RBFOX1: variants seen among roughly 807,000 people sequenced by gnomAD.
RBFOX1 encodes the protein RNA binding protein fox-1 homolog 1.
A neutral mutation model predicts 57.7 loss-of-function variants in RBFOX1; 8 were observed. The ratio of observed to expected loss-of-function variants is 0.14; its 90% CI spans 0.08 to 0.25. The LOEUF (loss-of-function observed/expected upper bound fraction) is 0.25, where lower values mean the gene tolerates loss of function less well. Among genes scored for constraint, RBFOX1 ranks in the 10% least tolerant of loss-of-function variants. The pLI, the probability that RBFOX1 is intolerant of heterozygous loss-of-function variation, is 1.00. For synonymous variants in RBFOX1, 326 were observed against 222.4 expected (o/e 1.47, Z -4.15); for missense variants, 611 against 548.5 (o/e 1.11, Z -1.14).
At chr16:6,261,268 A>T (rs12598401) in intron 1 of RBFOX1, among the ~76,000 whole-genome samples, 5,375 of 152,236 alleles carry the variant, frequency 0.035, 202 homozygotes, top group African/African-American at 0.084. Flanking sequence ...GCATATCCTC[A>T]TTGTGTGTGT....
intron 2 of RBFOX1, among the ~76,000 whole-genome samples, chr16:6,651,306 G>A (rs920724396): frequency 1.3e-5 from 2 of 152,180 alleles, no homozygotes; most frequent in African/African-American, 4.8e-5. Flanking sequence ...ACGGCCCCAG[G>A]TCGCCATCTT....
chr16:7,248,593 A>T (rs1168848929), intron 4 of RBFOX1, among the ~76,000 whole-genome samples: 1 of 152,158 alleles, frequency 6.6e-6, no homozygotes, highest in East Asian at 1.9e-4. Context: ...AGAACTAGGC[A>T]TTTCTTCTTT....
chr16:5,538,013 G>A (rs981506755), intron 2 of RBFOX1, among the ~76,000 whole-genome samples: 1 of 152,158 alleles, frequency 6.6e-6, no homozygotes, highest in Non-Finnish European at 1.5e-5. Flanking sequence ...AAGAACCACA[G>A]AGATACCATG....
chr16:5,967,629 T>C (rs2059873842), intron 4 of RBFOX1, among the ~76,000 whole-genome samples: 1 of 152,206 alleles, frequency 6.6e-6, no homozygotes, highest in Non-Finnish European at 1.5e-5. Flanking sequence ...TTCCAATCCA[T>C]GTTTTACACT....
intron 11 of RBFOX1, among the ~76,000 whole-genome samples, chr16:7,644,411 C>G (rs765407082): frequency 5.3e-5 from 8 of 152,202 alleles, no homozygotes; most frequent in African/African-American, 1.7e-4. Flanking sequence ...GCAATCACAT[C>G]GTTCCTTGAA....
At chr16:5,296,893 G>A (rs747848450) in intron 1 of RBFOX1, among the ~76,000 whole-genome samples, 1 of 151,970 alleles carries the variant, frequency 6.6e-6, no homozygotes, top group Non-Finnish European at 1.5e-5. Context: ...TGGTCAGGCT[G>A]GTCTCGAACT....
intron 3 of RBFOX1, among the ~76,000 whole-genome samples, chr16:5,778,117 C>T (rs181371900): frequency 1.3e-5 from 2 of 152,212 alleles, no homozygotes; most frequent in East Asian, 3.9e-4. Context: ...CCGTTGACTT[C>T]CCTTCCATGT....
intron 3 of RBFOX1, among the ~76,000 whole-genome samples, chr16:5,782,084 G>C (rs2054342234): frequency 6.6e-6 from 1 of 152,260 alleles, no homozygotes; most frequent in Non-Finnish European, 1.5e-5. Flanking sequence ...GGTGGCACAT[G>C]CCTGTAGTCC....
chr16:7,118,091 A>G (rs1478692), intron 4 of RBFOX1, among the ~76,000 whole-genome samples: 10 of 151,890 alleles, frequency 6.6e-5, no homozygotes, highest in Non-Finnish European at 1.3e-4. Flanking sequence ...TGGGTAGATA[A>G]CCAGTAGTGG....
At chr16:7,401,484 G>A (rs150035292) in intron 4 of RBFOX1, among the ~76,000 whole-genome samples, 1 of 152,154 alleles carries the variant, frequency 6.6e-6, no homozygotes, top group Non-Finnish European at 1.5e-5. Flanking sequence ...TATGTTGATA[G>A]ACCCTCAAAC....
intron 3 of RBFOX1, among the ~76,000 whole-genome samples, chr16:7,031,961 C>G (rs7191322): frequency 0.15 from 22,594 of 152,076 alleles, 3,166 homozygotes; most frequent in African/African-American, 0.35. Flanking sequence ...TGGACTTCCT[C>G]GTTATTTGAA....
chr16:5,691,278 A>G (rs959088667), intron 3 of RBFOX1, among the ~76,000 whole-genome samples: 1 of 152,192 alleles, frequency 6.6e-6, no homozygotes, highest in African/African-American at 2.4e-5. Flanking sequence ...TTAGTCATGA[A>G]GCAGAAACAT....
At chr16:7,408,416 A>G (rs1342348401) in intron 4 of RBFOX1, among the ~76,000 whole-genome samples, 3 of 152,236 alleles carry the variant, frequency 2.0e-5, no homozygotes, top group Admixed American at 2.0e-4. Flanking sequence ...GTCACTGCAC[A>G]GAGATGAATG....
intron 1 of RBFOX1, among the ~76,000 whole-genome samples, chr16:6,128,049 G>A (rs2096602822): frequency 6.6e-6 from 1 of 152,106 alleles, no homozygotes; most frequent in African/African-American, 2.4e-5. Context: ...AGGCACATGT[G>A]ACTTCTCAGT....
At chr16:7,108,641 C>A (rs1157403797) in intron 4 of RBFOX1, among the ~76,000 whole-genome samples, 1 of 152,054 alleles carries the variant, frequency 6.6e-6, no homozygotes, top group Non-Finnish European at 1.5e-5. Context: ...GAAAGTCTAC[C>A]CTGAGCATAG....
intron 2 of RBFOX1, among the ~76,000 whole-genome samples, chr16:6,450,177 C>G (rs1881290554): frequency 6.6e-6 from 1 of 152,118 alleles, no homozygotes; most frequent in African/African-American, 2.4e-5. Flanking sequence ...ACACCTGGAT[C>G]CAAATCCCAG....
At chr16:5,943,042 C>G (rs2059312987) in intron 4 of RBFOX1, among the ~76,000 whole-genome samples, 4 of 152,168 alleles carry the variant, frequency 2.6e-5, no homozygotes. Context: ...GGCCATGACC[C>G]CACTGTTCTC....
At chr16:7,142,061 T>C (rs1328577757) in intron 4 of RBFOX1, among the ~76,000 whole-genome samples, 3 of 152,094 alleles carry the variant, frequency 2.0e-5, no homozygotes, top group African/African-American at 7.2e-5. Context: ...TCTCACTCTG[T>C]TGCCCAGGCT....
At chr16:7,398,114 A>G (rs1302278520) in intron 4 of RBFOX1, among the ~76,000 whole-genome samples, 1 of 152,204 alleles carries the variant, frequency 6.6e-6, no homozygotes, top group Non-Finnish European at 1.5e-5. Flanking sequence ...AGAATTTGCA[A>G]CACTAGGATT....
Sources: gnomAD v4.1 joint callset for allele counts (sites outside exome capture counted in the v4.1 genomes callset) on GRCh38, gnomAD v4.1.1 for gene constraint, MANE v1.5 for transcripts, NCBI Gene and HGNC (gene_info 2026-07-23, HGNC 2026-07-21) for gene names.